Variants in TFRC observed in about 807,000 individuals in gnomAD.
TFRC encodes transferrin receptor.
A neutral mutation model predicts 85.8 loss-of-function variants in TFRC; 35 were observed. The observed-to-expected ratio is 0.41, with a 90% CI of 0.31 to 0.54. The LOEUF is 0.54. TFRC is among the 20% of genes least tolerant of loss of function. The pLI is 0.31. For synonymous variants in TFRC, 362 were observed against 328.6 expected, an observed-to-expected ratio of 1.10 and a Z score of -1.10; for missense variants, 828 against 921.5, an observed-to-expected ratio of 0.90 and a Z score of 1.31.
intron 9 of TFRC, 21 bp downstream of exon 9, chr3:196,067,497 C>T (rs779573320): frequency 1.9e-5 from 30 of 1,610,374 alleles, no homozygotes; most frequent in Non-Finnish European, 2.4e-5. Context: ...TATGCAAGAC[C>T]GCTTTCAAAT....
chr3:196,073,016 A>G (rs1560086947), intron 4 of TFRC: 1 of 142,806 alleles, frequency 7.0e-6, no homozygotes, highest in Non-Finnish European at 1.5e-5. Flanking sequence ...CCTGGCCAAC[A>G]TGGTGAAATC....
At chr3:196,056,953 C>A (rs917582476) in intron 16 of TFRC, among the ~76,000 whole-genome samples, 1 of 152,130 alleles carries the variant, frequency 6.6e-6, no homozygotes, top group Non-Finnish European at 1.5e-5. Context: ...TCCTGAGTAG[C>A]TGGGGTTACA....
intron 13 of TFRC, chr3:196,060,555 T>C (rs959943198): frequency 7.9e-6 from 2 of 253,846 alleles, no homozygotes; most frequent in Non-Finnish European, 1.5e-5. Context: ...TCCCAGGACT[T>C]TGGGAGGCCC....
At chr3:196,058,429 G>C (rs2108639096) in intron 15 of TFRC, 64 bp from the exon 16 acceptor site, 6 of 1,520,784 alleles carry the variant, frequency 3.9e-6, no homozygotes, top group Non-Finnish European at 5.4e-6. Context: ...TATCGTGCTA[G>C]TCCCCCCATC....
At chr3:196,057,306 GTTCTA>G (rs758449880) in intron 16 of TFRC, among the ~76,000 whole-genome samples, 7 of 152,140 alleles carry the variant, frequency 4.6e-5, no homozygotes, top group African/African-American at 7.2e-5. Context: ...GTTCTGTTCT[GTTCTA>G]ATTACCGGTG....
Position 196,074,098 on chromosome 3 carries a change from C to T in TFRC, c.266G>A (p.Cys89Tyr). The T allele has an allele frequency of 1.2e-6, 2 of 1,613,624 alleles. No individual in the cohort carries two copies. Among genetic ancestry groups the T allele is most frequent in the African/African-American group, 2.7e-5 (2 of 75,012 alleles). Residue 89 changes from cysteine (C) to tyrosine (Y), a missense_variant, in exon 4 of 19, where the codon TGT becomes TAT. Transcript: ENST00000360110. ...IGFMIGYLGY[C>Y]KGVEPKTECE... ...CTCAGTTTTTGGTTCTACCCCTTTA[C>T]AATAGCCCAAGTAGCCAATCATAAA... is the stretch of plus-strand genomic sequence containing the variant.
chr3:196,060,987 T>C (rs1271098017), intron 13 of TFRC, among the ~76,000 whole-genome samples: 3 of 152,120 alleles, frequency 2.0e-5, no homozygotes, highest in African/African-American at 7.2e-5. Flanking sequence ...CTTGCTATAC[T>C]CAGCACATTC....
rs41297477 is a variant in TFRC at position 196,060,862 on chromosome 3, G to A, written c.1469-615C>T. Among the ~76,000 whole-genome samples the A allele has an allele frequency of 6.8e-3, 816 of 119,520 alleles. 3 individuals carry two copies. The highest frequency in any genetic ancestry group is 9.8e-3 in the Non-Finnish European group (547 of 55,906). The allele number at this position is 119,520 out of a possible 152,430, so 78.4% of individuals were successfully genotyped here. ...TTTAGGTTCAGCAGCAAAATTAAGA[G>A]AAAGGTACCTAGAGGTCCCATAAAT... is the stretch of plus-strand genomic sequence containing the variant. On this transcript the variant is annotated intron_variant, in intron 13 of 18. Coordinates refer to ENST00000360110, the MANE Select transcript of TFRC (RefSeq NM_001128148.3).
intron 17 of TFRC, among the ~76,000 whole-genome samples, chr3:196,054,584 T>C (rs2108635082): frequency 6.6e-6 from 1 of 152,360 alleles, no homozygotes; most frequent in African/African-American, 2.4e-5. Flanking sequence ...CTATGTTGCC[T>C]GGGCTGGACT....
chr3:196,055,109 C>A lies in TFRC; in HGVS notation c.1870G>T (p.Asp624Tyr). The change falls in exon 17 of 19, where the codon GAT (aspartate) becomes TAT (tyrosine). Residue 624 changes from aspartate to tyrosine, a missense_variant. By Grantham distance (160) the Asp-to-Tyr change is radical. Transcript: ENST00000360110. ...YNSQLLSFVR[D>Y]LNQYRADIKE... ...ATGTCTGCTCTGTATTGGTTCAGATCCCTCACAAATGAAAGCAGTTGGCTG... is the reference window on the plus strand; with the variant it reads ...ATGTCTGCTCTGTATTGGTTCAGATACCTCACAAATGAAAGCAGTTGGCTG... The A allele has an allele frequency of 6.2e-7, 1 of 1,614,186 alleles. No individual in the cohort carries two copies. Among genetic ancestry groups the A allele is most frequent in the Non-Finnish European group, 8.5e-7 (1 of 1,180,036 alleles).
intron 16 of TFRC, among the ~76,000 whole-genome samples, chr3:196,055,832 G>A (rs1390963337): frequency 6.7e-6 from 1 of 149,878 alleles, no homozygotes; most frequent in East Asian, 2.0e-4. Flanking sequence ...GTGCAGCGAT[G>A]CAATCATGAC....
intron 2 of TFRC, among the ~76,000 whole-genome samples, chr3:196,075,844 G>A (rs1394272915): frequency 1.3e-5 from 2 of 151,664 alleles, no homozygotes; most frequent in Non-Finnish European, 2.9e-5. Flanking sequence ...AGAGAGAATA[G>A]ACCAGACACA....
rs1292938356 is a variant in TFRC at position 196,062,643 on chromosome 3, T to A, written c.1407A>T (p.Gly469=). ...GSVGATEWLE[G]YLSSLHLKAF... is the part of the protein sequence containing the mutation. Reference sequence around the variant, plus strand: ...CCTTTAAATGCAGGGACGAAAGGTATCCCTAGAAGAGAAGGGAAAACACTA... The same window carrying A: ...CCTTTAAATGCAGGGACGAAAGGTAACCCTAGAAGAGAAGGGAAAACACTA... The change falls in exon 13 of 19, where the codon GGA becomes GGT. Residue 469 remains glycine, a splice_region_variant and synonymous_variant. Transcript: ENST00000360110. 3 of 1,605,072 alleles carry A rather than the reference T, an allele frequency of 1.9e-6. No homozygotes were observed. Among genetic ancestry groups the A allele is most frequent in the Non-Finnish European group, 1.7e-6 (2 of 1,177,524 alleles).
intron 17 of TFRC, among the ~76,000 whole-genome samples, chr3:196,054,416 TAAAATA>T (rs1243577754): frequency 4.6e-5 from 7 of 151,610 alleles, no homozygotes; most frequent in African/African-American, 1.2e-4. Flanking sequence ...TCAAAAAAAA[TAAAATA>T]AAAATAAAAA....
chr3:196,069,646 A>G, intron 6 of TFRC, 78 bp from the exon 7 acceptor site: 1 of 904,128 alleles, frequency 1.1e-6, no homozygotes, highest in Non-Finnish European at 1.7e-6. Flanking sequence ...AGAGTGTTAT[A>G]GATCAAACCT....
chr3:196,064,439 G>GA lies in TFRC; in HGVS notation c.1199-12dup, dbSNP rs1426386720. Reference sequence around the variant, plus strand: ...CTACAACATAGTGATCTTTAAAAAAGAAAAAAGAGGAAGAAAGAACTTATA... The same window carrying GA: ...CTACAACATAGTGATCTTTAAAAAAGAAAAAAAGAGGAAGAAAGAACTTATA... On this transcript the variant is annotated splice_polypyrimidine_tract_variant and intron_variant, in intron 10 of 18. Transcript: ENST00000360110. 1 of 1,568,142 alleles carries GA rather than the reference G, an allele frequency of 6.4e-7. No individual in the cohort carries two copies. The highest frequency in any genetic ancestry group is 2.3e-5 in the East Asian group (1 of 44,086).
intron 16 of TFRC, among the ~76,000 whole-genome samples, chr3:196,057,781 CA>C (rs370832734): frequency 0.015 from 1,128 of 77,534 alleles, 2 homozygotes; most frequent in African/African-American, 0.025. Flanking sequence ...TCACCATTGT[CA>C]AAAAAAAAAA....
At chr3:196,067,893 A>G in intron 8 of TFRC, 139 bp downstream of exon 8, 1 of 763,914 alleles carries the variant, frequency 1.3e-6, no homozygotes, top group East Asian at 2.7e-5. Flanking sequence ...AGTCAATGTA[A>G]TCTATCTTCT....
intron 11 of TFRC, 37 bp from the exon 12 acceptor site, chr3:196,062,976 G>C (rs761393041): frequency 1.3e-6 from 2 of 1,548,322 alleles, no homozygotes; most frequent in East Asian, 2.2e-5. Context: ...CTGAGGAAAG[G>C]TTATACACAG....
Sources: allele counts gnomAD v4.1 joint callset (sites outside exome capture counted in the v4.1 genomes callset), GRCh38; gene constraint gnomAD v4.1.1; transcripts MANE v1.5; gene names NCBI Gene and HGNC (gene_info 2026-07-23, HGNC 2026-07-21).